The following TET2 variants were observed in gnomAD, a reference collection of about 807,000 sequenced individuals.
The protein encoded by TET2 is methylcytosine dioxygenase TET2.
TET2 carries 299 observed loss-of-function variants against 142.9 expected under a neutral mutation model. The observed-to-expected ratio is 2.09, with a 90% CI of 1.90 to 2.30. The LOEUF (loss-of-function observed/expected upper bound fraction) is 2.30. Among genes scored for constraint, TET2 ranks in the 30% most tolerant of loss-of-function variants. TET2 has a pLI of 0.00. For synonymous variants in TET2, 819 were observed against 849.0 expected, an observed-to-expected ratio of 0.96 and a Z score of 0.61; for missense variants, 2,418 against 2,378.0, an observed-to-expected ratio of 1.02 and a Z score of -0.35.
chr4:105,201,880 C>G (rs1726497488), intron 2 of TET2, among the ~76,000 whole-genome samples: 1 of 151,426 alleles, frequency 6.6e-6, no homozygotes, highest in African/African-American at 2.4e-5. Flanking sequence ...TAGCTGAGAC[C>G]ACAGGGGCAT....
Position 105,268,533 on chromosome 4 carries a change from A to G in TET2, c.4045-1077A>G, listed in dbSNP as rs372742551. 2.6e-5 allele frequency among the ~76,000 whole-genome samples: 4 copies of G among 152,226 alleles called. No individual in the cohort carries two copies. In the East Asian group the frequency reaches 5.8e-4, roughly 22 times the overall value. ...GCAGGTTTTTTGAAAGAATTGGACA[A>G]GATGGCTGTAAAATATATATACTTG... On this transcript the variant is annotated intron_variant, in intron 8 of 10. Transcript: ENST00000380013.
In TET2 at chr4:105,276,835, T is replaced by TGGTGGGGGGGGGGGG; in HGVS notation, c.*317_*318insGTGGGGGGGGGGGGG. 4.4e-6 allele frequency: 1 copy of TGGTGGGGGGGGGGGG among 228,244 alleles called. No individual in the cohort carries two copies. 14.1% of individuals were successfully genotyped at this position (228,244 alleles called of 1,614,324 possible). The stretch of plus-strand genomic sequence containing the variant: ...TATTGGACGAGATGATATGTAAATG[T>TGGTGGGGGGGGGGGG]GATCCCCCCCCCCCGCTTACAACTC... On this transcript the variant is annotated 3_prime_UTR_variant, in exon 11 of 11. Coordinates refer to ENST00000380013, the MANE Select transcript of TET2 (RefSeq NM_001127208.3).
chr4:105,249,003 T>C (rs1461281975), intron 6 of TET2, among the ~76,000 whole-genome samples: 7 of 113,856 alleles, frequency 6.1e-5, no homozygotes, highest in Admixed American at 4.3e-4. Flanking sequence ...TTCTTTTTCT[T>C]TTTTTTTTTT....
intron 2 of TET2, among the ~76,000 whole-genome samples, chr4:105,201,765 G>A (rs1275681279): frequency 3.2e-5 from 3 of 92,384 alleles, no homozygotes; most frequent in South Asian, 3.8e-4. Context: ...TTTTCAGACA[G>A]GGTTTCACTC....
chr4:105,259,771 T>A lies in TET2; in HGVS notation c.3954+2T>A. The A allele has an allele frequency of 6.5e-7, 1 of 1,549,630 alleles. No individual in the cohort carries two copies. The highest frequency in any genetic ancestry group is 8.7e-7 in the Non-Finnish European group (1 of 1,145,880). On this transcript the variant is annotated splice_donor_variant, in intron 7 of 10. Transcript: ENST00000380013. LOFTEE classifies it high-confidence loss of function. ...CTGCTTGGGGATGACCCAAAAGAGG[T>A]TTGTTTACTTCCTGATGTATAATCG...
At chr4:105,221,250 G>T (rs1050473069) in intron 2 of TET2, among the ~76,000 whole-genome samples, 1 of 152,048 alleles carries the variant, frequency 6.6e-6, no homozygotes, top group Non-Finnish European at 1.5e-5. Flanking sequence ...CAGATAAGTG[G>T]ATAATAGAGA....
chr4:105,239,569 A>C (rs1283027287), intron 3 of TET2: 1 of 238,474 alleles, frequency 4.2e-6, no homozygotes, highest in African/African-American at 2.2e-5. Context: ...TCTTCATAGA[A>C]CTGAAGGGAG....
chr4:105,188,163 A>C (rs1725567252), intron 1 of TET2, among the ~76,000 whole-genome samples: 1 of 152,364 alleles, frequency 6.6e-6, no homozygotes, highest in Non-Finnish European at 1.5e-5. Flanking sequence ...TGGTATAGAC[A>C]TACAATGGAC....
intron 2 of TET2, among the ~76,000 whole-genome samples, chr4:105,210,858 T>G (rs1727116568): frequency 6.6e-6 from 1 of 152,220 alleles, no homozygotes; most frequent in South Asian, 2.1e-4. Context: ...CTAAACTTCA[T>G]GTATCTATGT....
At chr4:105,187,553 T>C (rs1406375917) in intron 1 of TET2, among the ~76,000 whole-genome samples, 6 of 152,254 alleles carry the variant, frequency 3.9e-5, no homozygotes, top group Admixed American at 6.5e-5. Flanking sequence ...TCTAGAATTA[T>C]CTATTTATCT....
chr4:105,269,414 C>A, intron 8 of TET2, among the ~76,000 whole-genome samples, 196 bp from the exon 9 acceptor site: 1 of 152,030 alleles, frequency 6.6e-6, no homozygotes, highest in African/African-American at 2.4e-5. Flanking sequence ...ACTTTATGGC[C>A]TCAATAACAC....
rs752879644 is a variant in TET2, at chr4:105,278,790, A to C, written c.*2271A>C. 1.7e-5 allele frequency: 4 copies of C among 232,910 alleles called. No individual in the cohort carries two copies. The highest frequency in any genetic ancestry group is 3.4e-5 in the Non-Finnish European group (4 of 117,942). 14.4% of individuals were successfully genotyped at this position (232,910 alleles called of 1,614,324 possible). A position where few individuals can be genotyped will look rare whatever the true frequency, so the allele number is the denominator to read the frequency against. ...ATAAAGGGAAAAATTGTAAGGCAGGAGTTTGGCAAGTGGCTGTTGGCCAGA... is the reference window on the plus strand; with the variant it reads ...ATAAAGGGAAAAATTGTAAGGCAGGCGTTTGGCAAGTGGCTGTTGGCCAGA... On this transcript the variant is annotated 3_prime_UTR_variant, in exon 11 of 11. Coordinates refer to ENST00000380013, the MANE Select transcript of TET2 (RefSeq NM_001127208.3).
chr4:105,230,039 A>T (rs753633805), intron 2 of TET2, among the ~76,000 whole-genome samples: 3 of 149,488 alleles, frequency 2.0e-5, no homozygotes, highest in Non-Finnish European at 4.5e-5. Context: ...TATTTGTCAG[A>T]TATATATATA....
At chr4:105,146,524 A>C (rs1723023189), upstream of TET2, 1 of 152,406 alleles carries the variant, frequency 6.6e-6, no homozygotes, top group Non-Finnish European at 1.5e-5. Flanking sequence ...GTACGGCCCC[A>C]GGTGCCGCCG....
chr4:105,261,615 T>G (rs1730432163), intron 7 of TET2, 144 bp from the exon 8 acceptor site: 1 of 482,968 alleles, frequency 2.1e-6, no homozygotes, highest in Admixed American at 4.0e-5. Flanking sequence ...TAGTCATGTT[T>G]TAAAGATGCT....
At chr4:105,160,920 C>T (rs994223889) in intron 1 of TET2, among the ~76,000 whole-genome samples, 3 of 152,242 alleles carry the variant, frequency 2.0e-5, no homozygotes, top group Non-Finnish European at 4.4e-5. Flanking sequence ...GGATTACAGG[C>T]ACTCGCCACC....
rs777412322 is a variant in TET2 at position 105,236,813 on chromosome 4, A to G, written c.2871A>G (p.Leu957=). ...QKHAALRWHL[L]QKQEQQQTQQ... is the part of the protein sequence containing the mutation. Reference sequence around the variant, plus strand: ...ATGCTGCTCTAAGGTGGCATCTCTTACAGAAGCAAGAACAGCAGCAAACAC... The same window carrying G: ...ATGCTGCTCTAAGGTGGCATCTCTTGCAGAAGCAAGAACAGCAGCAAACAC... Residue 957 remains leucine, a synonymous_variant, in exon 3 of 11, where the codon TTA becomes TTG. Transcript: ENST00000380013. The G allele has an allele frequency of 2.5e-6, 4 of 1,614,036 alleles. No homozygotes were observed. Among genetic ancestry groups the G allele is most frequent in the Non-Finnish European group, 3.4e-6 (4 of 1,180,014 alleles).
At chr4:105,229,541 C>T (rs1239651929) in intron 2 of TET2, among the ~76,000 whole-genome samples, 3 of 151,856 alleles carry the variant, frequency 2.0e-5, no homozygotes, top group Non-Finnish European at 4.4e-5. Flanking sequence ...GATCTCTTGA[C>T]CTCGTGATCT....
At chr4:105,148,716 TA>T (rs1297762925) in intron 1 of TET2, among the ~76,000 whole-genome samples, 7 of 152,340 alleles carry the variant, frequency 4.6e-5, no homozygotes, top group African/African-American at 1.7e-4. Context: ...AATATAAATT[TA>T]AACACAATAA....
Sources: gnomAD v4.1 joint callset for allele counts (sites outside exome capture counted in the v4.1 genomes callset) on GRCh38, gnomAD v4.1.1 for gene constraint, MANE v1.5 for transcripts, NCBI Gene and HGNC (gene_info 2026-07-23, HGNC 2026-07-21) for gene names.